Variants in ZNF678 observed in about 807,000 individuals in gnomAD.
ZNF678 encodes zinc finger protein 678, also known as hypothetical protein MGC42493.
ZNF678 carries 5 observed loss-of-function variants against 3.0 expected under a neutral mutation model. The observed-to-expected ratio is 1.69, with a 90% confidence interval of 0.88 to 3.56. ZNF678 has a LOEUF of 3.56. Among genes scored for constraint, ZNF678 ranks in the 30% most tolerant of loss-of-function variants. ZNF678 has a pLI of 0.00. For missense variants in ZNF678, 593 were observed against 605.0 expected (o/e 0.98, Z 0.21); for synonymous variants, 218 against 199.6 (o/e 1.09, Z -0.78).
intron 1 of ZNF678, among the ~76,000 whole-genome samples, chr1:227,574,340 T>C (rs1041848180): frequency 1.3e-5 from 2 of 152,194 alleles, no homozygotes; most frequent in African/African-American, 2.4e-5. Context: ...TTGTTACTTT[T>C]TGACTTTTTG....
chr1:227,625,367 G>A (rs1658384810), intron 1 of ZNF678, among the ~76,000 whole-genome samples: 1 of 152,116 alleles, frequency 6.6e-6, no homozygotes, highest in Admixed American at 6.5e-5. Flanking sequence ...GGCCTGGTAG[G>A]GGTTGTGCAG....
intron 1 of ZNF678, among the ~76,000 whole-genome samples, chr1:227,565,227 G>A (rs1656644541): frequency 6.6e-6 from 1 of 151,798 alleles, no homozygotes; most frequent in Admixed American, 6.5e-5. Flanking sequence ...CACTACACCT[G>A]GCTAATTTTT....
chr1:227,587,842 T>C (rs1333414828), intron 1 of ZNF678, among the ~76,000 whole-genome samples: 1 of 150,892 alleles, frequency 6.6e-6, no homozygotes, highest in African/African-American at 2.4e-5. Context: ...TTCAAGACTT[T>C]AAAAAAAATT....
chr1:227,595,160 T>G (rs1657529416), intron 1 of ZNF678, among the ~76,000 whole-genome samples: 1 of 151,942 alleles, frequency 6.6e-6, no homozygotes, highest in Admixed American at 6.5e-5. Flanking sequence ...ACGCTGTTTT[T>G]TTTTTTCTTA....
At chr1:227,672,901 T>C (rs1659624306) in intron 5 of ZNF678, among the ~76,000 whole-genome samples, 1 of 152,176 alleles carries the variant, frequency 6.6e-6, no homozygotes, top group Non-Finnish European at 1.5e-5. Flanking sequence ...TGAAAACTCA[T>C]CCTTAAAGAT....
At chr1:227,591,793 A>C (rs1345625747) in intron 1 of ZNF678, among the ~76,000 whole-genome samples, 1 of 152,218 alleles carries the variant, frequency 6.6e-6, no homozygotes, top group African/African-American at 2.4e-5. Context: ...TAATAGGACC[A>C]TAGCAACCTT....
rs1453650134 is a variant in ZNF678 at position 227,655,080 on chromosome 1, G to A, written c.830G>A (p.Cys277Tyr). ...GAATGTGGCAACGTTTTTAATGAGT[G>A]CTCACACCTAACTAGACATAGGAGA... Reference protein sequence around the residue: ...CEECGNVFNECSHLTRHRRIH... With the variant: ...CEECGNVFNEYSHLTRHRRIH... The change falls in exon 4 of 4, where the codon TGC becomes TAC. Residue 277 changes from cysteine to tyrosine, a missense_variant. Transcript: ENST00000343776. 1 of 1,601,766 alleles carries A rather than the reference G, an allele frequency of 6.2e-7. No individual in the cohort carries two copies. Among genetic ancestry groups the A allele is most frequent in the Admixed American group, 1.7e-5 (1 of 57,716 alleles).
intron 1 of ZNF678, among the ~76,000 whole-genome samples, chr1:227,574,466 T>C (rs1656938506): frequency 6.6e-6 from 1 of 152,158 alleles, no homozygotes; most frequent in African/African-American, 2.4e-5. Flanking sequence ...GCATGGATGT[T>C]TTCTTTTGAA....
At position 227,655,327 on chromosome 1, in the gene ZNF678, T is replaced by A. The variant is rs1232182111; in HGVS notation, c.1077T>A (p.Thr359=). The A allele has an allele frequency of 6.2e-7, 1 of 1,606,778 alleles. No individual in the cohort carries two copies. Among genetic ancestry groups the A allele is most frequent in the African/African-American group, 1.4e-5 (1 of 73,508 alleles). ...GTGAAGAATGTGGCAGAACCTTTAC[T>A]CAATTCTCAAACCTCACTCAGCATA... is the stretch of plus-strand genomic sequence containing the variant. ...YKCEECGRTF[T]QFSNLTQHKR... is the part of the protein sequence containing the mutation. The change falls in exon 4 of 4, where the codon ACT becomes ACA. Residue 359 remains threonine (T), a synonymous_variant. Coordinates refer to ENST00000343776, the MANE Select transcript of ZNF678 (RefSeq NM_001367909.1).
At chr1:227,672,837 C>T (rs923683509) in intron 5 of ZNF678, among the ~76,000 whole-genome samples, 3 of 152,150 alleles carry the variant, frequency 2.0e-5, no homozygotes, top group Admixed American at 2.0e-4. Context: ...GACAAAAACC[C>T]CTGCCCAAAG....
chr1:227,660,646 T>A lies in ZNF678; in HGVS notation c.*4818T>A, dbSNP rs1241663960. ...GTTTTCTATTTATAAGACTATGATA[T>A]CTGCAAACAGGGACAATTATTTTCT... On this transcript the variant is annotated 3_prime_UTR_variant, in exon 4 of 4. Transcript: ENST00000343776. 1 of 152,206 alleles carries A rather than the reference T, an allele frequency of 6.6e-6. No individual in the cohort carries two copies. The highest frequency in any genetic ancestry group is 2.4e-5 in the African/African-American group (1 of 41,468). The allele number at this position is 152,206 out of a possible 1,614,324, so 9.4% of individuals were successfully genotyped here. A position where few individuals can be genotyped will look rare whatever the true frequency, so the allele number is the denominator to read the frequency against.
chr1:227,634,997 C>T (rs10916185), intron 1 of ZNF678, among the ~76,000 whole-genome samples: 1 of 151,570 alleles, frequency 6.6e-6, no homozygotes, highest in Non-Finnish European at 1.5e-5. Context: ...CACCCTTCCT[C>T]CAGCTCCAGG....
Position 227,658,488 on chromosome 1 carries a change from A to G in ZNF678, c.*2660A>G, listed in dbSNP as rs536940653. Reference sequence around the variant, plus strand: ...CTGTACAACTGCCTCTGAAATTAAGAGGAATTGTGTTTATTTCATAGTTAT... The same window carrying G: ...CTGTACAACTGCCTCTGAAATTAAGGGGAATTGTGTTTATTTCATAGTTAT... On this transcript the variant is annotated 3_prime_UTR_variant, in exon 4 of 4. Coordinates refer to ENST00000343776, the MANE Select transcript of ZNF678 (RefSeq NM_001367909.1). 1 of 152,186 alleles carries G rather than the reference A, an allele frequency of 6.6e-6. No individual in the cohort carries two copies. The highest frequency in any genetic ancestry group is 2.1e-4 in the South Asian group (1 of 4,822). 9.4% of individuals were successfully genotyped at this position (152,186 alleles called of 1,614,324 possible). A position where few individuals can be genotyped will look rare whatever the true frequency, so the allele number is the denominator to read the frequency against.
At chr1:227,574,022 C>T (rs1167448381) in intron 1 of ZNF678, among the ~76,000 whole-genome samples, 2 of 152,126 alleles carry the variant, frequency 1.3e-5, no homozygotes, top group Admixed American at 1.3e-4. Context: ...TTTATGGCTG[C>T]CTAGGATTTC....
chr1:227,600,481 C>A (rs1657709805), intron 1 of ZNF678, among the ~76,000 whole-genome samples: 1 of 152,096 alleles, frequency 6.6e-6, no homozygotes, highest in South Asian at 2.1e-4. Context: ...TTAGTAATAG[C>A]CATTCCAACT....
intron 1 of ZNF678, among the ~76,000 whole-genome samples, chr1:227,628,522 AC>A (rs1247510477): frequency 6.6e-6 from 1 of 152,098 alleles, no homozygotes; most frequent in Non-Finnish European, 1.5e-5. Context: ...ATGCCAAGGA[AC>A]CCTCTTAATT....
intron 1 of ZNF678, among the ~76,000 whole-genome samples, chr1:227,570,718 A>G (rs1656817878): frequency 6.6e-6 from 1 of 151,842 alleles, no homozygotes; most frequent in Non-Finnish European, 1.5e-5. Context: ...GGGAACTCCT[A>G]TTCCATCATC....
chr1:227,675,282 G>T (rs1052095014), intron 5 of ZNF678, among the ~76,000 whole-genome samples: 1 of 152,148 alleles, frequency 6.6e-6, no homozygotes, highest in African/African-American at 2.4e-5. Context: ...GTGGCCATCT[G>T]CAATCCAGAA....
intron 1 of ZNF678, among the ~76,000 whole-genome samples, chr1:227,589,306 T>C (rs936842879): frequency 2.6e-5 from 4 of 151,832 alleles, no homozygotes; most frequent in Non-Finnish European, 5.9e-5. Context: ...TAATCCATCT[T>C]GAGTTAATTT....
Sources: allele counts gnomAD v4.1 joint callset (sites outside exome capture counted in the v4.1 genomes callset), GRCh38; gene constraint gnomAD v4.1.1; transcripts MANE v1.5; gene names NCBI Gene and HGNC (gene_info 2026-07-23, HGNC 2026-07-21).